RBCK1: variants seen among roughly 807,000 people sequenced by gnomAD.
RBCK1 encodes ranBP-type and C3HC4-type zinc finger-containing protein 1.
In RBCK1, 44 loss-of-function variants were observed where a neutral mutation model predicts 71.1. That is an observed-to-expected ratio of 0.62 (90% CI 0.49 to 0.80). The LOEUF is 0.80. Among genes scored for constraint, RBCK1 ranks in the 30% least tolerant of loss-of-function variants. The pLI is 0.00. For synonymous variants in RBCK1, 306 were observed against 279.7 expected, an observed-to-expected ratio of 1.09 and a Z score of -0.94; for missense variants, 569 against 685.0, an observed-to-expected ratio of 0.83 and a Z score of 1.89.
At chr20:418,531 G>A (rs561883464) in intron 4 of RBCK1, among the ~76,000 whole-genome samples, 17 of 152,162 alleles carry the variant, frequency 1.1e-4, no homozygotes, top group South Asian at 6.2e-4. Flanking sequence ...ACCACGCCCG[G>A]CTAATTTTTT....
Position 417,423 on chromosome 20 carries a change from GCATGGCCATGTGCC to G in RBCK1, c.168-102_168-89del. 2 of 895,156 alleles carry G rather than the reference GCATGGCCATGTGCC, an allele frequency of 2.2e-6. No homozygotes were observed. Among genetic ancestry groups the G allele is most frequent in the South Asian group, 2.7e-5 (2 of 73,478 alleles). The allele number at this position is 895,156 out of a possible 1,614,324, so 55.5% of individuals were successfully genotyped here. On this transcript the variant is annotated intron_variant, in intron 2 of 11. Coordinates refer to ENST00000356286, the MANE Select transcript of RBCK1 (RefSeq NM_031229.4). The surrounding 1 kb of genome is among the most constrained non-coding windows in gnomAD (Gnocchi z 4.7). The stretch of plus-strand genomic sequence containing the variant: ...TGTGTGTGTGTGTGTGTGTGTGTGT[GCATGGCCATGTGCC>G]TGTGTGCAAATATGTACATGTCTGT...
intron 2 of RBCK1, among the ~76,000 whole-genome samples, chr20:416,207 G>T (rs951210628): frequency 6.7e-6 from 1 of 148,840 alleles, no homozygotes; most frequent in African/African-American, 2.5e-5. Context: ...CCAGGCTGGA[G>T]TGCGGTGGCG....
rs1600286356 is a variant in RBCK1 at position 417,678 on chromosome 20, CCT to C, written c.262-46_262-45del. On this transcript the variant is annotated intron_variant, in intron 3 of 11. Transcript: ENST00000356286. This position sits in a 1 kb window ranked among gnomAD's most constrained non-coding sequence, Gnocchi z 4.7. ...AAGGCTCTCCCTTTCACTCCTGCTT[CCT>C]CTCTCTCCTCTGGCCCTCCCTTCCC... The C allele has an allele frequency of 6.2e-7, 1 of 1,603,656 alleles. No individual in the cohort carries two copies. Among genetic ancestry groups the C allele is most frequent in the East Asian group, 2.2e-5 (1 of 44,610 alleles).
At position 428,911 on chromosome 20, in the gene RBCK1, C is replaced by A; in HGVS notation, c.1309-40C>A. ...GGGGAGGGGCCAGGCTGGGTGACTG[C>A]CCCAGCCCCGCCCCAGGGCCAGCAC... is the stretch of plus-strand genomic sequence containing the variant. On this transcript the variant is annotated intron_variant, in intron 10 of 11. Transcript: ENST00000356286. The surrounding 1 kb of genome is among the most constrained non-coding windows in gnomAD (Gnocchi z 5.7). 1 of 1,572,354 alleles carries A rather than the reference C, an allele frequency of 6.4e-7. No individual in the cohort carries two copies. The highest frequency in any genetic ancestry group is 8.6e-7 in the Non-Finnish European group (1 of 1,164,510).
chr20:408,411 G>A lies in RBCK1; in HGVS notation c.-347G>A, dbSNP rs956264755. ...GGACGCCAGGGGCGCTCCCGCAAGT[G>A]GGGGTCCTCCGGGACTTGGAACGCC... is the stretch of plus-strand genomic sequence containing the variant. On this transcript the variant is annotated 5_prime_UTR_variant, in exon 1 of 12. Coordinates refer to ENST00000356286, the MANE Select transcript of RBCK1 (RefSeq NM_031229.4). The A allele has an allele frequency of 4.2e-5, 19 of 447,840 alleles. No homozygotes were observed. Among genetic ancestry groups the A allele is most frequent in the Non-Finnish European group, 6.8e-5 (17 of 250,534 alleles). The allele number at this position is 447,840 out of a possible 1,614,324, so 27.7% of individuals were successfully genotyped here.
chr20:410,794 G>A (rs868249764), intron 2 of RBCK1: 143 of 436,084 alleles, frequency 3.3e-4, no homozygotes, highest in Middle Eastern at 6.2e-4. Context: ...TTACTGGATA[G>A]TAAGGCAATA....
At position 417,093 on chromosome 20, in the gene RBCK1, G is replaced by A; in HGVS notation, c.168-433G>A. On this transcript the variant is annotated intron_variant, in intron 2 of 11. Coordinates refer to ENST00000356286, the MANE Select transcript of RBCK1 (RefSeq NM_031229.4). This position sits in a 1 kb window ranked among gnomAD's most constrained non-coding sequence, Gnocchi z 4.7. ...CTATCTGTGCCTCACATTTTTATCT[G>A]TAAAACAGGGATACAGCAGTACCTG... 1 of 418,198 alleles carries A rather than the reference G, an allele frequency of 2.4e-6. No individual in the cohort carries two copies. Among genetic ancestry groups the A allele is most frequent in the South Asian group, 1.8e-5 (1 of 56,800 alleles). The allele number at this position is 418,198 out of a possible 1,614,324, so 25.9% of individuals were successfully genotyped here.
In RBCK1 at chr20:417,272, C is replaced by A; in HGVS notation, c.168-254C>A. The A allele has an allele frequency of 1.5e-6, 1 of 681,260 alleles. No homozygotes were observed. Among genetic ancestry groups the A allele is most frequent in the East Asian group, 3.0e-5 (1 of 33,296 alleles). 42.2% of individuals were successfully genotyped at this position (681,260 alleles called of 1,614,324 possible). On this transcript the variant is annotated intron_variant, in intron 2 of 11. Coordinates refer to ENST00000356286, the MANE Select transcript of RBCK1 (RefSeq NM_031229.4). This position sits in a 1 kb window ranked among gnomAD's most constrained non-coding sequence, Gnocchi z 4.7. ...TGGAGAGGTCAGGGAGGTGCCAGATCATGGAGGCCCTCGTGTGCTGCCACG... is the reference window on the plus strand; with the variant it reads ...TGGAGAGGTCAGGGAGGTGCCAGATAATGGAGGCCCTCGTGTGCTGCCACG...
intron 2 of RBCK1, among the ~76,000 whole-genome samples, chr20:411,347 G>T (rs1182375594): frequency 1.3e-5 from 2 of 152,046 alleles, no homozygotes; most frequent in Non-Finnish European, 2.9e-5. Flanking sequence ...GGGACTACTG[G>T]CATGTACCAC....
intron 2 of RBCK1, among the ~76,000 whole-genome samples, chr20:415,767 T>C (rs540061976): frequency 3.3e-5 from 5 of 152,162 alleles, no homozygotes; most frequent in African/African-American, 7.2e-5. Flanking sequence ...GTTCTGCAGG[T>C]GGTGTAGGAA....
In RBCK1 at chr20:428,927, G is replaced by A. The variant is rs768716887; in HGVS notation, c.1309-24G>A. 1 of 1,591,406 alleles carries A rather than the reference G, an allele frequency of 6.3e-7. No homozygotes were observed. The highest frequency in any genetic ancestry group is 1.1e-5 in the South Asian group (1 of 89,298). On this transcript the variant is annotated intron_variant, in intron 10 of 11. Coordinates refer to ENST00000356286, the MANE Select transcript of RBCK1 (RefSeq NM_031229.4). The surrounding 1 kb of genome is among the most constrained non-coding windows in gnomAD (Gnocchi z 5.7). ...GGGTGACTGCCCCAGCCCCGCCCCAGGGCCAGCACCTGCCCCACTCCAGGT... is the reference window on the plus strand; with the variant it reads ...GGGTGACTGCCCCAGCCCCGCCCCAAGGCCAGCACCTGCCCCACTCCAGGT...
In RBCK1 at chr20:417,227, G is replaced by A. The variant is rs184622682; in HGVS notation, c.168-299G>A. 1.8e-4 allele frequency: 111 copies of A among 606,060 alleles called. No individual in the cohort carries two copies. The African/African-American group carries it at 1.9e-3, about 10-fold the overall frequency. The allele number at this position is 606,060 out of a possible 1,614,324, so 37.5% of individuals were successfully genotyped here. A position where few individuals can be genotyped will look rare whatever the true frequency, so the allele number is the denominator to read the frequency against. The stretch of plus-strand genomic sequence containing the variant: ...TCTGGTGGTTTCACTAAGGAGCAGG[G>A]GAGAGAAGACAGAAGAGGTTGGAGA... On this transcript the variant is annotated intron_variant, in intron 2 of 11. Coordinates refer to ENST00000356286, the MANE Select transcript of RBCK1 (RefSeq NM_031229.4). The surrounding 1 kb of genome is among the most constrained non-coding windows in gnomAD (Gnocchi z 4.7).
At chr20:425,300 C>T (rs528572750) in intron 8 of RBCK1, among the ~76,000 whole-genome samples, 1 of 152,262 alleles carries the variant, frequency 6.6e-6, no homozygotes, top group Admixed American at 6.5e-5. Flanking sequence ...CGTGAGCCAC[C>T]GTGCCCAGCC....
In RBCK1 at chr20:430,251, G is replaced by A; in HGVS notation, c.1453-99G>A. 1.9e-6 allele frequency: 2 copies of A among 1,039,708 alleles called. No homozygotes were observed. Among genetic ancestry groups the A allele is most frequent in the Non-Finnish European group, 1.5e-6 (1 of 685,328 alleles). The allele number at this position is 1,039,708 out of a possible 1,614,324, so 64.4% of individuals were successfully genotyped here. On this transcript the variant is annotated intron_variant, in intron 11 of 11. Transcript: ENST00000356286. This position sits in a 1 kb window ranked among gnomAD's most constrained non-coding sequence, Gnocchi z 5.6. ...GGCTGACCAGGCCATTCTTGCAGGA[G>A]GACCTGCAGAGGCAAAGGCCCGGGG...
At position 428,744 on chromosome 20, in the gene RBCK1, A is replaced by G; in HGVS notation, c.1308+155A>G. Reference sequence around the variant, plus strand: ...CCATCCGGAGGTGGGACTTAGGCCGAATGGTCATGTCAGGAAGAGCGTCTG... The same window carrying G: ...CCATCCGGAGGTGGGACTTAGGCCGGATGGTCATGTCAGGAAGAGCGTCTG... On this transcript the variant is annotated intron_variant, in intron 10 of 11. Transcript: ENST00000356286. The surrounding 1 kb of genome is among the most constrained non-coding windows in gnomAD (Gnocchi z 5.7). 7.2e-7 allele frequency: 1 copy of G among 1,393,632 alleles called. No homozygotes were observed. Among genetic ancestry groups the G allele is most frequent in the Non-Finnish European group, 9.5e-7 (1 of 1,052,304 alleles). 86.3% of individuals were successfully genotyped at this position (1,393,632 alleles called of 1,614,324 possible). A position where few individuals can be genotyped will look rare whatever the true frequency, so the allele number is the denominator to read the frequency against.
Position 427,325 on chromosome 20 carries a change from G to A in RBCK1, c.1042G>A (p.Glu348Lys), listed in dbSNP as rs2016780938. ...GGTGTGTTGGCAGCTCCTGACCCCT[G>A]AGGATTACCAGCGATTTCTAGACCT... is the stretch of plus-strand genomic sequence containing the variant. ...EREIKALLTP[E>K]DYQRFLDLGI... The change falls in exon 9 of 12, where the codon GAG becomes AAG. Residue 348 changes from glutamate (E) to lysine (K), a missense_variant. Physicochemically the swap from Glu to Lys is moderately conservative, Grantham distance 56. This residue lies in a region of RBCK1 where 211 missense variants were observed against 309.4 expected (regional missense o/e 0.68). Transcript: ENST00000356286. The A allele has an allele frequency of 6.2e-7, 1 of 1,614,092 alleles. No individual in the cohort carries two copies. Among genetic ancestry groups the A allele is most frequent in the Non-Finnish European group, 8.5e-7 (1 of 1,180,002 alleles).
chr20:418,618 T>G lies in RBCK1; in HGVS notation c.460+688T>G, dbSNP rs528161107. Among the ~76,000 whole-genome samples the G allele has an allele frequency of 2.0e-5, 3 of 152,344 alleles. No homozygotes were observed. The East Asian group carries it at 5.8e-4, about 29-fold the overall frequency. The stretch of plus-strand genomic sequence containing the variant: ...CTCCTGACTTTGTGATCCGCCCGCC[T>G]CGGCCTCCCAAAGTGCTGGGATTAC... On this transcript the variant is annotated intron_variant, in intron 4 of 11. Coordinates refer to ENST00000356286, the MANE Select transcript of RBCK1 (RefSeq NM_031229.4).
chr20:428,661 A>G lies in RBCK1; in HGVS notation c.1308+72A>G. On this transcript the variant is annotated intron_variant, in intron 10 of 11. Coordinates refer to ENST00000356286, the MANE Select transcript of RBCK1 (RefSeq NM_031229.4). This position sits in a 1 kb window ranked among gnomAD's most constrained non-coding sequence, Gnocchi z 5.7. ...TCCAGGTGGGGGCTGGGGGCTTCCC[A>G]GTAAGGGCTGTGCTCACACATCCCT... 1 of 1,470,808 alleles carries G rather than the reference A, an allele frequency of 6.8e-7. No individual in the cohort carries two copies. Among genetic ancestry groups the G allele is most frequent in the Admixed American group, 2.3e-5 (1 of 43,772 alleles). 91.1% of individuals were successfully genotyped at this position (1,470,808 alleles called of 1,614,324 possible).
At chr20:411,122 C>A (rs1422111989) in intron 2 of RBCK1, among the ~76,000 whole-genome samples, 1 of 152,152 alleles carries the variant, frequency 6.6e-6, no homozygotes, top group Non-Finnish European at 1.5e-5. Context: ...TAAGTTGAAT[C>A]ATGCAATATG....
Sources: gnomAD v4.1 joint callset for allele counts (sites outside exome capture counted in the v4.1 genomes callset) on GRCh38, gnomAD v4.1.1 for gene constraint, gnomAD v4.1.1 regional missense constraint, Gnocchi (gnomAD v3.1) non-coding constraint, MANE v1.5 for transcripts, NCBI Gene and HGNC (gene_info 2026-07-23, HGNC 2026-07-21) for gene names.